AUTS2: variants seen among roughly 807,000 people sequenced by gnomAD.
AUTS2 encodes the protein activator of transcription and developmental regulator AUTS2.
Under a neutral mutation model 112.4 loss-of-function variants are expected in AUTS2, and 17 were observed. That is an observed-to-expected ratio of 0.15 (90% CI 0.10 to 0.23). AUTS2 has a LOEUF of 0.23. AUTS2 is among the 10% of genes least tolerant of loss of function. The probability of loss-of-function intolerance (pLI) is 1.00; values close to 1 mark genes in which losing one functional copy is unlikely to be tolerated. For synonymous variants in AUTS2, 751 were observed against 702.7 expected (o/e 1.07, Z -1.09); for missense variants, 1,510 against 1,701.6 (o/e 0.89, Z 1.98).
At chr7:69,695,299 A>C (rs1260468231) in intron 1 of AUTS2, among the ~76,000 whole-genome samples, 2 of 152,214 alleles carry the variant, frequency 1.3e-5, no homozygotes, top group African/African-American at 4.8e-5. Flanking sequence ...ACTGCACTCC[A>C]GGCTGAGCAA....
intron 2 of AUTS2, among the ~76,000 whole-genome samples, chr7:70,066,257 C>T (rs1389370854): frequency 6.6e-6 from 1 of 152,142 alleles, no homozygotes; most frequent in Non-Finnish European, 1.5e-5. Context: ...TGACTACCTT[C>T]TTAATAGTGA....
intron 2 of AUTS2, among the ~76,000 whole-genome samples, chr7:70,083,478 CTAAAA>C (rs1350074364): frequency 6.6e-6 from 1 of 152,182 alleles, no homozygotes; most frequent in Admixed American, 6.5e-5. Context: ...CACACACACA[CTAAAA>C]TAAACTTCTT....
intron 2 of AUTS2, among the ~76,000 whole-genome samples, chr7:70,108,918 G>T (rs1385623814): frequency 2.0e-5 from 3 of 150,966 alleles, no homozygotes; most frequent in African/African-American, 7.3e-5. Context: ...GGCCCAAATT[G>T]TTCCATTTTT....
chr7:69,613,087 G>A (rs1405707695), intron 1 of AUTS2, among the ~76,000 whole-genome samples: 2 of 152,190 alleles, frequency 1.3e-5, no homozygotes, highest in Non-Finnish European at 2.9e-5. Flanking sequence ...CTGAAGCACA[G>A]AGCCGTTAAA....
At chr7:70,004,336 A>ATATATACATATATAC (rs1491350506) in intron 2 of AUTS2, among the ~76,000 whole-genome samples, 1 of 131,972 alleles carries the variant, frequency 7.6e-6, no homozygotes. Context: ...TATATATATG[A>ATATATACATATATAC]ATATATATTC....
At chr7:69,777,874 C>T (rs1257683705) in intron 1 of AUTS2, among the ~76,000 whole-genome samples, 1 of 152,070 alleles carries the variant, frequency 6.6e-6, no homozygotes, top group South Asian at 2.1e-4. Context: ...GGGGACAGAT[C>T]ACTCATGCTG....
At chr7:69,966,264 G>A (rs988627635) in intron 2 of AUTS2, among the ~76,000 whole-genome samples, 4 of 152,164 alleles carry the variant, frequency 2.6e-5, no homozygotes, top group African/African-American at 4.8e-5. Context: ...AAATGAAACA[G>A]TGGGTCATAC....
At chr7:69,727,874 G>A (rs1473524911) in intron 1 of AUTS2, among the ~76,000 whole-genome samples, 1 of 152,160 alleles carries the variant, frequency 6.6e-6, no homozygotes, top group Non-Finnish European at 1.5e-5. Flanking sequence ...GGTAGCTAGG[G>A]TACTTTACCT....
intron 1 of AUTS2, among the ~76,000 whole-genome samples, chr7:69,649,502 T>G (rs574688969): frequency 4.6e-5 from 7 of 152,072 alleles, no homozygotes; most frequent in African/African-American, 9.6e-5. Flanking sequence ...TTTGTCAGAG[T>G]CTCACTGTAT....
At chr7:70,255,755 T>A (rs1157275783) in intron 4 of AUTS2, among the ~76,000 whole-genome samples, 1 of 152,238 alleles carries the variant, frequency 6.6e-6, no homozygotes, top group African/African-American at 2.4e-5. Flanking sequence ...GAACTTTTGT[T>A]GGATACTAAA....
At chr7:70,213,945 G>A (rs1373383484) in intron 4 of AUTS2, among the ~76,000 whole-genome samples, 3 of 152,156 alleles carry the variant, frequency 2.0e-5, no homozygotes, top group African/African-American at 7.2e-5. Context: ...CAAAGTACCT[G>A]GGCAGTGTTT....
intron 1 of AUTS2, among the ~76,000 whole-genome samples, chr7:69,881,838 C>T (rs189418932): frequency 5.6e-4 from 86 of 152,224 alleles, no homozygotes; most frequent in African/African-American, 2.1e-3. Context: ...GTACTTTCTT[C>T]GCATTATTTC....
At chr7:70,743,490 A>AAC (rs1788247568) in intron 6 of AUTS2, among the ~76,000 whole-genome samples, 1 of 151,800 alleles carries the variant, frequency 6.6e-6, no homozygotes, top group South Asian at 2.1e-4. Context: ...AAAAAAAAAA[A>AAC]AAACTAGTAT....
chr7:70,116,396 A>C (rs1373003117), intron 2 of AUTS2, among the ~76,000 whole-genome samples: 1 of 151,922 alleles, frequency 6.6e-6, no homozygotes, highest in Non-Finnish European at 1.5e-5. Context: ...TGTAGTCTTT[A>C]AAGACTACAA....
At chr7:70,082,231 G>A (rs529399460) in intron 2 of AUTS2, among the ~76,000 whole-genome samples, 97 of 152,210 alleles carry the variant, frequency 6.4e-4, no homozygotes, top group African/African-American at 2.3e-3. Flanking sequence ...CTAAAATGTT[G>A]ATTTGCTAAA....
chr7:70,281,975 A>T (rs186112133), intron 4 of AUTS2, among the ~76,000 whole-genome samples: 5 of 152,346 alleles, frequency 3.3e-5, no homozygotes, highest in Admixed American at 2.6e-4. Flanking sequence ...CAAAGAGCAT[A>T]ACATGCATTG....
At chr7:70,577,808 GTT>G (rs34323784) in intron 5 of AUTS2, among the ~76,000 whole-genome samples, 3 of 151,168 alleles carry the variant, frequency 2.0e-5, no homozygotes, top group East Asian at 2.0e-4. Context: ...GTTTTATTGG[GTT>G]TTTTTTTAAT....
At chr7:70,131,081 C>G (rs1806246922) in intron 3 of AUTS2, among the ~76,000 whole-genome samples, 1 of 152,152 alleles carries the variant, frequency 6.6e-6, no homozygotes, top group Admixed American at 6.5e-5. Flanking sequence ...TCTGTGGCCT[C>G]TTTTGCTATA....
chr7:69,918,551 C>T (rs906487150), intron 2 of AUTS2, among the ~76,000 whole-genome samples: 83 of 152,138 alleles, frequency 5.5e-4, no homozygotes, highest in African/African-American at 2.0e-3. Flanking sequence ...GAAATGAAAA[C>T]TTTTACTGAT....
Sources: allele counts gnomAD v4.1 joint callset (sites outside exome capture counted in the v4.1 genomes callset), GRCh38; gene constraint gnomAD v4.1.1; transcripts MANE v1.5; gene names NCBI Gene and HGNC (gene_info 2026-07-23, HGNC 2026-07-21).